Variants in MME observed in about 807,000 individuals in gnomAD.
MME encodes membrane metalloendopeptidase.
A neutral mutation model predicts 113.2 loss-of-function variants in MME; 98 were observed. The ratio of observed to expected loss-of-function variants is 0.87; its 90% CI spans 0.74 to 1.02. The LOEUF is 1.02. MME is among the 50% of genes least tolerant of loss of function. The pLI, the probability that MME is intolerant of heterozygous loss-of-function variation, is 0.00. For missense variants in MME, 836 were observed against 896.0 expected, an observed-to-expected ratio of 0.93 and a Z score of 0.86; for synonymous variants, 292 against 300.6, an observed-to-expected ratio of 0.97 and a Z score of 0.30.
intron 16 of MME, among the ~76,000 whole-genome samples, chr3:155,152,643 C>T (rs573710973): frequency 6.6e-6 from 1 of 152,116 alleles, no homozygotes; most frequent in South Asian, 2.1e-4. Context: ...GAGTTTGAGA[C>T]CAGCCTGGGC....
chr3:155,130,257 T>A, intron 8 of MME, among the ~76,000 whole-genome samples: 1 of 152,212 alleles, frequency 6.6e-6, no homozygotes, highest in East Asian at 1.9e-4. Context: ...CAGAAACACC[T>A]CACATGTACA....
chr3:155,040,112 G>A (rs368334742), intron 1 of MME, among the ~76,000 whole-genome samples: 2 of 152,236 alleles, frequency 1.3e-5, no homozygotes, highest in South Asian at 2.1e-4. Flanking sequence ...GGATAAATTC[G>A]TACACAGACT....
intron 1 of MME, among the ~76,000 whole-genome samples, chr3:155,064,059 G>C (rs1395902554): frequency 6.6e-6 from 1 of 152,080 alleles, no homozygotes; most frequent in Non-Finnish European, 1.5e-5. Flanking sequence ...GGGAGGCCGA[G>C]GTGAGTGGAT....
chr3:155,133,062 A>AAAATATATATATATAT (rs1553762419), intron 8 of MME, among the ~76,000 whole-genome samples: 3 of 75,078 alleles, frequency 4.0e-5, no homozygotes, highest in African/African-American at 6.6e-5. Context: ...AAAAAAAAAA[A>AAAATATATATATATAT]ATATATATAT....
At chr3:155,163,861 G>T (rs866450939) in intron 17 of MME, among the ~76,000 whole-genome samples, 1 of 151,984 alleles carries the variant, frequency 6.6e-6, no homozygotes, top group Non-Finnish European at 1.5e-5. Context: ...AGAATGTTTA[G>T]ACTATGCATG....
chr3:155,045,281 G>T (rs1713518163), intron 1 of MME, among the ~76,000 whole-genome samples: 1 of 151,752 alleles, frequency 6.6e-6, no homozygotes, highest in Admixed American at 6.6e-5. Context: ...CTCCTGAGTA[G>T]CTGGGACTAC....
chr3:155,086,654 G>C (rs376474883), intron 3 of MME, among the ~76,000 whole-genome samples: 30 of 152,282 alleles, frequency 2.0e-4, no homozygotes, highest in African/African-American at 6.5e-4. Context: ...AAGGAAGGTG[G>C]TAGCTGAGGG....
intron 9 of MME, among the ~76,000 whole-genome samples, 166 bp downstream of exon 9, chr3:155,138,402 G>T (rs762983420): frequency 6.6e-6 from 1 of 152,044 alleles, no homozygotes; most frequent in African/African-American, 2.4e-5. Flanking sequence ...TGAAACTAAA[G>T]AATTTTATAG....
chr3:155,172,914 A>C (rs3816801), intron 22 of MME, among the ~76,000 whole-genome samples: 86,427 of 151,776 alleles, frequency 0.57, 27,733 homozygotes, highest in African/African-American at 0.89. Flanking sequence ...TTAAAGCTAG[A>C]ACAAAGATAT....
chr3:155,119,909 T>C (rs1240462869), intron 8 of MME, among the ~76,000 whole-genome samples: 2 of 81,374 alleles, frequency 2.5e-5, no homozygotes, highest in Admixed American at 1.5e-4. Flanking sequence ...GCATGATTTA[T>C]AGTCATTTGG....
intron 3 of MME, among the ~76,000 whole-genome samples, chr3:155,104,483 A>G (rs1717527335): frequency 6.6e-6 from 1 of 152,244 alleles, no homozygotes; most frequent in Admixed American, 6.5e-5. Context: ...TTCGAGAAGC[A>G]CTGTCGACTC....
At chr3:155,147,009 CTGTT>C in intron 14 of MME, 131 bp from the exon 15 acceptor site, 1 of 661,304 alleles carries the variant, frequency 1.5e-6, no homozygotes, top group Admixed American at 2.4e-5. Flanking sequence ...GCAAAGATCT[CTGTT>C]TAAGTATGTC....
intron 1 of MME, among the ~76,000 whole-genome samples, chr3:155,035,537 G>A (rs1713100680): frequency 6.6e-6 from 1 of 152,130 alleles, no homozygotes; most frequent in Non-Finnish European, 1.5e-5. Context: ...TATGGAGGGA[G>A]TGATTTCATA....
chr3:155,103,974 A>G (rs149959335), intron 3 of MME, among the ~76,000 whole-genome samples: 1 of 152,328 alleles, frequency 6.6e-6, no homozygotes, highest in East Asian at 1.9e-4. Flanking sequence ...ATACAGTAGG[A>G]GCTTTACTTG....
At chr3:155,056,418 A>G (rs1328663019) in intron 1 of MME, among the ~76,000 whole-genome samples, 5 of 149,976 alleles carry the variant, frequency 3.3e-5, no homozygotes, top group Non-Finnish European at 7.4e-5. Flanking sequence ...TATGAGTGAG[A>G]ATATGCAGTG....
chr3:155,087,005 G>GT lies in MME; in HGVS notation c.196+1923dup, dbSNP rs5853712. 1.8e-3 allele frequency among the ~76,000 whole-genome samples: 251 copies of GT among 140,914 alleles called. 4 individuals are homozygous for GT. The highest frequency in any genetic ancestry group is 0.012 in the South Asian group (54 of 4,412). 92.4% of individuals were successfully genotyped at this position (140,914 alleles called of 152,430 possible). On this transcript the variant is annotated intron_variant, in intron 3 of 22. Transcript: ENST00000360490. ...TTTTTTGTTTTTTTTGTTTTTTTTT[G>GT]TTTTTTTTTTTTGTAGAGACAGGGT...
intron 21 of MME, 38 bp from the exon 22 acceptor site, chr3:155,172,498 C>T: frequency 6.7e-7 from 1 of 1,483,912 alleles, no homozygotes; most frequent in Non-Finnish European, 9.4e-7. Context: ...TTGATTGAAC[C>T]TGAGTACATG....
chr3:155,087,782 C>T (rs542322367), intron 3 of MME, among the ~76,000 whole-genome samples: 140 of 152,128 alleles, frequency 9.2e-4, no homozygotes, highest in African/African-American at 3.2e-3. Flanking sequence ...TTTCTATAAA[C>T]GACAAGTGAT....
chr3:155,113,788 T>C (rs767173290), intron 3 of MME, among the ~76,000 whole-genome samples: 1 of 152,234 alleles, frequency 6.6e-6, no homozygotes, highest in East Asian at 1.9e-4. Context: ...GAAATAGAAA[T>C]ACAGTTTTAC....
Sources: allele counts gnomAD v4.1 joint callset (sites outside exome capture counted in the v4.1 genomes callset), GRCh38; gene constraint gnomAD v4.1.1; transcripts MANE v1.5; gene names NCBI Gene and HGNC (gene_info 2026-07-23, HGNC 2026-07-21).